STK40: variants seen among roughly 807,000 people sequenced by gnomAD.
The protein encoded by STK40 is serine/threonine kinase 40, also known as serine/threonine-protein kinase 40.
A neutral mutation model predicts 47.9 loss-of-function variants in STK40; 13 were observed. The observed-to-expected ratio is 0.27, with a 90% CI of 0.18 to 0.43. The LOEUF (loss-of-function observed/expected upper bound fraction) is 0.43. Among genes scored for constraint, STK40 ranks in the 20% least tolerant of loss-of-function variants. The pLI, the probability that STK40 is intolerant of heterozygous loss-of-function variation, is 1.00. For missense variants in STK40, 460 were observed against 595.1 expected (o/e 0.77, Z 2.36); for synonymous variants, 225 against 243.2 (o/e 0.93, Z 0.69).
chr1:36,355,359 G>A lies in STK40; in HGVS notation c.417C>T (p.Leu139=), dbSNP rs145709842. Residue 139 remains leucine (L), a synonymous_variant, in exon 5 of 11, where the codon CTC becomes CTT. Transcript: ENST00000373132. ...MVKKMKKRIC[L]VLDCLCAHDF... Reference sequence around the variant, plus strand: ...CATGAGCACAGAGGCAGTCCAGGACGAGGCAGATGCGCTTCTTCATCTTCT... The same window carrying A: ...CATGAGCACAGAGGCAGTCCAGGACAAGGCAGATGCGCTTCTTCATCTTCT... The A allele has an allele frequency of 1.1e-4, 182 of 1,614,184 alleles. No individual in the cohort carries two copies. In the African/African-American group the frequency reaches 1.3e-3, roughly 11 times the overall value.
chr1:36,346,980 C>T (rs750323060), intron 7 of STK40, among the ~76,000 whole-genome samples: 1 of 152,178 alleles, frequency 6.6e-6, no homozygotes, highest in Non-Finnish European at 1.5e-5. Context: ...GGTGGTGCCC[C>T]AGGAGTTAGG....
rs1243690115 is a variant in STK40, at chr1:36,339,757, A to C, written c.*1998T>G. The C allele has an allele frequency of 6.5e-6, 1 of 152,694 alleles. No homozygotes were observed. Among genetic ancestry groups the C allele is most frequent in the Admixed American group, 6.5e-5 (1 of 15,288 alleles). The allele number at this position is 152,694 out of a possible 1,614,324, so 9.5% of individuals were successfully genotyped here. A position where few individuals can be genotyped will look rare whatever the true frequency, so the allele number is the denominator to read the frequency against. ...AATAGGACTTCTCTCAGTGTGTGAC[A>C]CCCAGTGAGGGCTGACCCATCCTCC... On this transcript the variant is annotated 3_prime_UTR_variant, in exon 11 of 11. Coordinates refer to ENST00000373132, the MANE Select transcript of STK40 (RefSeq NM_001282547.2).
Position 36,354,425 on chromosome 1 carries a change from C to T in STK40, c.571-9G>A, listed in dbSNP as rs755440584. The T allele has an allele frequency of 1.2e-6, 2 of 1,613,984 alleles. No individual in the cohort carries two copies. The highest frequency in any genetic ancestry group is 1.7e-6 in the Non-Finnish European group (2 of 1,179,908). On this transcript the variant is annotated splice_polypyrimidine_tract_variant and intron_variant, in intron 5 of 10. Transcript: ENST00000373132. Reference sequence around the variant, plus strand: ...CTGTGCACGATATTTTTCTGTAAAACAACAGGCGTATGGTTTACATTGTCA... The same window carrying T: ...CTGTGCACGATATTTTTCTGTAAAATAACAGGCGTATGGTTTACATTGTCA...
chr1:36,361,768 T>G (rs1358497560), intron 1 of STK40, among the ~76,000 whole-genome samples: 1 of 151,774 alleles, frequency 6.6e-6, no homozygotes, highest in Non-Finnish European at 1.5e-5. Context: ...AGACCTGCCC[T>G]CCAAATACCT....
chr1:36,381,077 C>T (rs1432893709), intron 1 of STK40, among the ~76,000 whole-genome samples: 1 of 152,150 alleles, frequency 6.6e-6, no homozygotes. Context: ...GATTTCCCCC[C>T]AAACAGCTCA....
Position 36,377,276 on chromosome 1 carries a change from C to T in STK40, c.-9+8447G>A, listed in dbSNP as rs914214707. Among the ~76,000 whole-genome samples, 8 of 151,964 alleles carry T rather than the reference C, an allele frequency of 5.3e-5. No homozygotes were observed. The East Asian group carries it at 1.2e-3, about 22-fold the overall frequency. On this transcript the variant is annotated intron_variant, in intron 1 of 10. Coordinates refer to ENST00000373132, the MANE Select transcript of STK40 (RefSeq NM_001282547.2). ...TGGAGCCAGGCGTGGTGGCTCACGCCTGTAATCCCAGCACTTTGGGAGGCT... is the reference window on the plus strand; with the variant it reads ...TGGAGCCAGGCGTGGTGGCTCACGCTTGTAATCCCAGCACTTTGGGAGGCT...
In STK40 at chr1:36,385,867, G is replaced by C. The variant is rs951739320; in HGVS notation, c.-153C>G. Reference sequence around the variant, plus strand: ...TCCCAGCGCAGCCACCCGAGCCGCCGCCGCCGCCGCCGCCGCCTCCCTCCA... The same window carrying C: ...TCCCAGCGCAGCCACCCGAGCCGCCCCCGCCGCCGCCGCCGCCTCCCTCCA... On this transcript the variant is annotated 5_prime_UTR_variant, in exon 1 of 11. Transcript: ENST00000373132. 1 of 177,200 alleles carries C rather than the reference G, an allele frequency of 5.6e-6. No homozygotes were observed. The highest frequency in any genetic ancestry group is 1.1e-5 in the Non-Finnish European group (1 of 87,838). 11.0% of individuals were successfully genotyped at this position (177,200 alleles called of 1,614,324 possible).
At chr1:36,380,843 C>G (rs1216439962) in intron 1 of STK40, among the ~76,000 whole-genome samples, 1 of 152,238 alleles carries the variant, frequency 6.6e-6, no homozygotes, top group Non-Finnish European at 1.5e-5. Context: ...GGCCCAAGTC[C>G]AGACAGGGGT....
intron 6 of STK40, among the ~76,000 whole-genome samples, chr1:36,349,464 G>A (rs1159760919): frequency 6.6e-6 from 1 of 152,238 alleles, no homozygotes; most frequent in Non-Finnish European, 1.5e-5. Context: ...GTGAGCAGAA[G>A]AGCAGGATCC....
rs773149574 is a variant in STK40, at chr1:36,339,997, C to G, written c.*1758G>C. Reference sequence around the variant, plus strand: ...CCAGCTTCAGGCCCTCACAGGAGGACAGTCAAGGGCTGGGAGCCCTAGGCC... The same window carrying G: ...CCAGCTTCAGGCCCTCACAGGAGGAGAGTCAAGGGCTGGGAGCCCTAGGCC... On this transcript the variant is annotated 3_prime_UTR_variant, in exon 11 of 11. Transcript: ENST00000373132. 2 of 152,316 alleles carry G rather than the reference C, an allele frequency of 1.3e-5. No individual in the cohort carries two copies. Among genetic ancestry groups the G allele is most frequent in the Admixed American group, 6.5e-5 (1 of 15,290 alleles). The allele number at this position is 152,316 out of a possible 1,614,324, so 9.4% of individuals were successfully genotyped here.
At chr1:36,365,323 A>C (rs1394685904) in intron 1 of STK40, among the ~76,000 whole-genome samples, 2 of 152,164 alleles carry the variant, frequency 1.3e-5, no homozygotes. Flanking sequence ...TAGGAGACTG[A>C]CTATATGTGG....
intron 6 of STK40, among the ~76,000 whole-genome samples, chr1:36,353,153 C>T (rs1386528662): frequency 6.6e-6 from 1 of 152,246 alleles, no homozygotes; most frequent in Non-Finnish European, 1.5e-5. Flanking sequence ...CACCACAACA[C>T]TTCTGCTGTG....
intron 6 of STK40, among the ~76,000 whole-genome samples, chr1:36,352,263 G>C (rs1242592116): frequency 6.6e-6 from 1 of 152,188 alleles, no homozygotes; most frequent in East Asian, 1.9e-4. Flanking sequence ...CTGTCTCTCA[G>C]CGACAGGCTC....
intron 1 of STK40, among the ~76,000 whole-genome samples, chr1:36,375,756 C>T (rs1336667063): frequency 6.6e-6 from 1 of 152,158 alleles, no homozygotes; most frequent in Non-Finnish European, 1.5e-5. Context: ...CGCGGTGGCT[C>T]ACGCCTGTAA....
chr1:36,353,202 A>G (rs564030076), intron 6 of STK40, among the ~76,000 whole-genome samples: 11 of 152,308 alleles, frequency 7.2e-5, no homozygotes, highest in African/African-American at 2.6e-4. Flanking sequence ...AACCTGCTCA[A>G]TGCCGAGTTG....
intron 10 of STK40, 69 bp downstream of exon 10, chr1:36,343,295 T>TG: frequency 6.5e-7 from 1 of 1,533,282 alleles, no homozygotes; most frequent in Non-Finnish European, 8.9e-7. Context: ...CCTCTGCCCT[T>TG]GCCCTGCCTG....
intron 1 of STK40, among the ~76,000 whole-genome samples, chr1:36,369,238 G>T (rs1367754590): frequency 6.6e-6 from 1 of 152,182 alleles, no homozygotes; most frequent in African/African-American, 2.4e-5. Flanking sequence ...GCTTCACAGG[G>T]TTTTTCTGCA....
At chr1:36,366,333 T>C (rs1388511438) in intron 1 of STK40, among the ~76,000 whole-genome samples, 1 of 152,074 alleles carries the variant, frequency 6.6e-6, no homozygotes, top group African/African-American at 2.4e-5. Context: ...GACAGAAGGA[T>C]GGCAACAGAC....
At chr1:36,370,008 C>T (rs1049101659) in intron 1 of STK40, among the ~76,000 whole-genome samples, 4 of 152,320 alleles carry the variant, frequency 2.6e-5, no homozygotes, top group Non-Finnish European at 5.9e-5. Flanking sequence ...GTCAGACTAG[C>T]CAGTATCTGC....
Sources: allele counts gnomAD v4.1 joint callset (sites outside exome capture counted in the v4.1 genomes callset), GRCh38; gene constraint gnomAD v4.1.1; transcripts MANE v1.5; gene names NCBI Gene and HGNC (gene_info 2026-07-23, HGNC 2026-07-21).